Variants in PAQR4 observed in about 807,000 individuals in gnomAD.
PAQR4 encodes the protein progestin and adipoQ receptor family member 4.
Under a neutral mutation model 20.9 loss-of-function variants are expected in PAQR4, and 26 were observed. The observed-to-expected ratio is 1.24, with a 90% CI of 0.91 to 1.73. The LOEUF (loss-of-function observed/expected upper bound fraction) is 1.73, where lower values mean the gene tolerates loss of function less well. Among genes scored for constraint, PAQR4 ranks in the 40% most tolerant of loss-of-function variants. The pLI is 0.00. For missense variants in PAQR4, 400 were observed against 380.1 expected (o/e 1.05, Z -0.44); for synonymous variants, 193 against 171.6 (o/e 1.12, Z -0.97).
intron 1 of PAQR4, 125 bp from the exon 2 acceptor site, chr16:2,971,032 C>T (rs2071971343): frequency 3.1e-6 from 3 of 967,670 alleles, no homozygotes; most frequent in Non-Finnish European, 4.7e-6. Context: ...TGGCCAAGGC[C>T]AGGCCGCCAA....
At position 2,972,052 on chromosome 16, in the gene PAQR4, A is replaced by G; in HGVS notation, c.*104A>G. The G allele has an allele frequency of 8.6e-7, 1 of 1,165,242 alleles. No homozygotes were observed. The highest frequency in any genetic ancestry group is 1.2e-6 in the Non-Finnish European group (1 of 850,358). 72.2% of individuals were successfully genotyped at this position (1,165,242 alleles called of 1,614,324 possible). A position where few individuals can be genotyped will look rare whatever the true frequency, so the allele number is the denominator to read the frequency against. ...CTGGCTCCTTGGATGCTTCCAGCTC[A>G]TGAGATGTCTCAGCAGGAGCCCTGT... is the stretch of plus-strand genomic sequence containing the variant. On this transcript the variant is annotated 3_prime_UTR_variant, in exon 3 of 3. Coordinates refer to ENST00000318782, the MANE Select transcript of PAQR4 (RefSeq NM_152341.5).
In PAQR4 at chr16:2,969,621, T is replaced by TGAGGAGGAGGCTCGGGGA. The variant is rs1491176710; in HGVS notation, c.-53_-36dup. 1.4e-6 allele frequency: 2 copies of TGAGGAGGAGGCTCGGGGA among 1,417,150 alleles called. No homozygotes were observed. Among genetic ancestry groups the TGAGGAGGAGGCTCGGGGA allele is most frequent in the East Asian group, 5.9e-5 (2 of 33,826 alleles). The allele number at this position is 1,417,150 out of a possible 1,614,324, so 87.8% of individuals were successfully genotyped here. ...GGGCCTTCCCGCGCTGCGGCCCCACTGAGGAGGAGGCTCGGGGACAGCAGG... is the reference window on the plus strand; with the variant it reads ...GGGCCTTCCCGCGCTGCGGCCCCACTGAGGAGGAGGCTCGGGGAGAGGAGGAGGCTCGGGGACAGCAGG... On this transcript the variant is annotated 5_prime_UTR_variant, in exon 1 of 3. Coordinates refer to ENST00000318782, the MANE Select transcript of PAQR4 (RefSeq NM_152341.5).
rs778769502 is a variant in PAQR4 at position 2,973,047 on chromosome 16, C to G, written c.*1099C>G. 1.2e-6 allele frequency: 2 copies of G among 1,607,050 alleles called. No homozygotes were observed. The highest frequency in any genetic ancestry group is 1.7e-5 in the Admixed American group (1 of 58,770). On this transcript the variant is annotated 3_prime_UTR_variant, in exon 3 of 3. Transcript: ENST00000318782. ...CCGAGGAGGCTCTGAGTTGATGTCA[C>G]TTAGGTCCAGGGCATCCCTGGGAGG...
chr16:2,970,689 T>TGG (rs902734743), intron 1 of PAQR4, among the ~76,000 whole-genome samples: 7 of 152,198 alleles, frequency 4.6e-5, no homozygotes, highest in African/African-American at 1.7e-4. Context: ...TGGACACTTA[T>TGG]GGAGAGGGGA....
chr16:2,969,854 C>T lies in PAQR4; in HGVS notation c.166+14C>T. On this transcript the variant is annotated intron_variant, in intron 1 of 2. Coordinates refer to ENST00000318782, the MANE Select transcript of PAQR4 (RefSeq NM_152341.5). The stretch of plus-strand genomic sequence containing the variant: ...TCTACACGCACGGTGAGCCGCGTCC[C>T]GCAACGCGCTTCCCACACCCCCGGC... 1.2e-6 allele frequency: 2 copies of T among 1,608,318 alleles called. No individual in the cohort carries two copies. Among genetic ancestry groups the T allele is most frequent in the Admixed American group, 1.7e-5 (1 of 59,890 alleles).
intron 1 of PAQR4, 128 bp downstream of exon 1, chr16:2,969,968 T>G: frequency 8.1e-7 from 1 of 1,235,270 alleles, no homozygotes; most frequent in Non-Finnish European, 1.1e-6. Flanking sequence ...GCACCGCCAG[T>G]AGCCGCGGTG....
chr16:2,970,885 C>T (rs1224266308), intron 1 of PAQR4: 2 of 586,342 alleles, frequency 3.4e-6, no homozygotes, highest in Non-Finnish European at 6.1e-6. Flanking sequence ...CTGCTGGGCT[C>T]ACCCGGGGCC....
rs145076396 is a variant in PAQR4, at chr16:2,973,102, C to A, written c.*1154C>A. The A allele has an allele frequency of 4.5e-5, 70 of 1,568,864 alleles. No homozygotes were observed. Among genetic ancestry groups the A allele is most frequent in the Middle Eastern group, 1.7e-4 (1 of 5,976 alleles). ...AGTAGTGACACTCAGGATCCAAAAG[C>A]TAGCCCTGCCCACCCCAGCCCCTGG... On this transcript the variant is annotated 3_prime_UTR_variant, in exon 3 of 3. Transcript: ENST00000318782.
intron 1 of PAQR4, among the ~76,000 whole-genome samples, chr16:2,970,474 C>T (rs551209310): frequency 1.3e-5 from 2 of 152,348 alleles, no homozygotes; most frequent in Admixed American, 6.5e-5. Context: ...CCCCGTTTGG[C>T]CCCTGGGAGG....
chr16:2,969,582 C>A lies in PAQR4; in HGVS notation c.-93C>A, dbSNP rs2071922896. 2.3e-6 allele frequency: 3 copies of A among 1,319,762 alleles called. No individual in the cohort carries two copies. Among genetic ancestry groups the A allele is most frequent in the Non-Finnish European group, 1.9e-6 (2 of 1,031,050 alleles). The allele number at this position is 1,319,762 out of a possible 1,614,324, so 81.8% of individuals were successfully genotyped here. On this transcript the variant is annotated 5_prime_UTR_variant, in exon 1 of 3. Transcript: ENST00000318782. ...CGATGGGTGGGCGCCGGGCGCCGGG[C>A]GCCAGGCAGTGATGGGCCTTCCCGC...
chr16:2,971,482 A>T, intron 2 of PAQR4, 33 bp from the exon 3 acceptor site: 1 of 1,574,204 alleles, frequency 6.4e-7, no homozygotes, highest in Non-Finnish European at 8.6e-7. Flanking sequence ...CCTCACAATG[A>T]CATGCCCTCT....
Position 2,972,627 on chromosome 16 carries a change from G to A in PAQR4, c.*679G>A. The stretch of plus-strand genomic sequence containing the variant: ...AGTGCCATACTCCCAACAGCTCCAG[G>A]TACCCACCGGGGGATGTGCCTGCTC... On this transcript the variant is annotated 3_prime_UTR_variant, in exon 3 of 3. Coordinates refer to ENST00000318782, the MANE Select transcript of PAQR4 (RefSeq NM_152341.5). The A allele has an allele frequency of 1.3e-6, 2 of 1,535,448 alleles. No individual in the cohort carries two copies. The highest frequency in any genetic ancestry group is 2.4e-5 in the South Asian group (2 of 84,050).
chr16:2,972,581 C>T lies in PAQR4; in HGVS notation c.*633C>T, dbSNP rs898333858. 1.3e-6 allele frequency: 2 copies of T among 1,521,048 alleles called. No individual in the cohort carries two copies. Among genetic ancestry groups the T allele is most frequent in the South Asian group, 1.2e-5 (1 of 83,128 alleles). The allele number at this position is 1,521,048 out of a possible 1,614,324, so 94.2% of individuals were successfully genotyped here. On this transcript the variant is annotated 3_prime_UTR_variant, in exon 3 of 3. Transcript: ENST00000318782. ...GGCCTCAGATCCTGGGACCCCTGGG[C>T]CGTGCCTGCCCTCCACCTTGAGTGC...
chr16:2,971,339 G>C lies in PAQR4; in HGVS notation c.349G>C (p.Ala117Pro), dbSNP rs749054449. ...CAGCGCTGTGTACGCCCGGCTCCTC[G>C]CCCTGGACATGTGTGGGGTCTGCCT... is the stretch of plus-strand genomic sequence containing the variant. ...GGSAVYARLL[A>P]LDMCGVCLVN... The change falls in exon 2 of 3, where the codon GCC becomes CCC. Residue 117 changes from alanine to proline, a missense_variant. Ala to Pro is a conservative substitution (Grantham distance 27, BLOSUM62 -1). Transcript: ENST00000318782. The C allele has an allele frequency of 6.2e-7, 1 of 1,611,414 alleles. No homozygotes were observed. Among genetic ancestry groups the C allele is most frequent in the Non-Finnish European group, 8.5e-7 (1 of 1,179,978 alleles).
rs1233673338 is a variant in PAQR4 at position 2,972,907 on chromosome 16, G to A, written c.*959G>A. On this transcript the variant is annotated 3_prime_UTR_variant, in exon 3 of 3. Transcript: ENST00000318782. The stretch of plus-strand genomic sequence containing the variant: ...GCCCCAGCTTTCAAGGGCGACGGGA[G>A]AGACACAGGATAAAAGGTTAAAAGT... 1 of 1,562,774 alleles carries A rather than the reference G, an allele frequency of 6.4e-7. No homozygotes were observed. Among genetic ancestry groups the A allele is most frequent in the Admixed American group, 1.9e-5 (1 of 51,798 alleles).
rs937113652 is a variant in PAQR4, at chr16:2,969,471, G to A, written c.-204G>A. ...GCGTCCCCAGCCTCCGCCCCGGCGC[G>A]GGGGCGACGGACTCGCGCGTGCGCA... On this transcript the variant is annotated 5_prime_UTR_variant, in exon 1 of 3. Coordinates refer to ENST00000318782, the MANE Select transcript of PAQR4 (RefSeq NM_152341.5). The A allele has an allele frequency of 1.8e-5, 6 of 339,404 alleles. No homozygotes were observed. The highest frequency in any genetic ancestry group is 2.8e-4 in the South Asian group (2 of 7,182). The allele number at this position is 339,404 out of a possible 1,614,324, so 21.0% of individuals were successfully genotyped here.
chr16:2,971,742 T>G lies in PAQR4; in HGVS notation c.616T>G (p.Tyr206Asp). The G allele has an allele frequency of 6.2e-7, 1 of 1,612,846 alleles. No homozygotes were observed. Among genetic ancestry groups the G allele is most frequent in the South Asian group, 1.1e-5 (1 of 91,076 alleles). Residue 206 changes from tyrosine (Y) to aspartate (D), a missense_variant, in exon 3 of 3, where the codon TAC becomes GAC. Coordinates refer to ENST00000318782, the MANE Select transcript of PAQR4 (RefSeq NM_152341.5). Reference protein sequence around the residue: ...GSGAPGSLPCYLRMDALALLG... With the variant: ...GSGAPGSLPCDLRMDALALLG... ...AGGGGCTCCAGGCTCCCTGCCCTGCTACCTGCGCATGGACGCACTGGCGCT... is the reference window on the plus strand; with the variant it reads ...AGGGGCTCCAGGCTCCCTGCCCTGCGACCTGCGCATGGACGCACTGGCGCT...
intron 1 of PAQR4, chr16:2,970,906 C>T (rs1376431178): frequency 1.8e-5 from 11 of 597,212 alleles, no homozygotes; most frequent in East Asian, 8.3e-5. Flanking sequence ...GGTCACTCAG[C>T]CCCTCCAAGT....
rs1377750953 is a variant in PAQR4, at chr16:2,971,168, C to G, written c.178C>G (p.Leu60Val). Residue 60 changes from leucine (L) to valine (V), a missense_variant, in exon 2 of 3, where the codon CTG (leucine) becomes GTG (valine). By Grantham distance (32) the Leu-to-Val change is conservative. Coordinates refer to ENST00000318782, the MANE Select transcript of PAQR4 (RefSeq NM_152341.5). ...GTCTCCCTCCCTAGGGCTGGCCCTG[C>G]TGGGCTTCCTGGTGCTGGTGCCAAT... is the stretch of plus-strand genomic sequence containing the variant. ...GNIYTHGLAL[L>V]GFLVLVPMTM... is the part of the protein sequence containing the mutation. The G allele has an allele frequency of 6.2e-7, 1 of 1,613,260 alleles. No individual in the cohort carries two copies. The highest frequency in any genetic ancestry group is 1.3e-5 in the African/African-American group (1 of 75,066).
Sources: gnomAD v4.1 joint callset for allele counts (sites outside exome capture counted in the v4.1 genomes callset) on GRCh38, gnomAD v4.1.1 for gene constraint, MANE v1.5 for transcripts, NCBI Gene and HGNC (gene_info 2026-07-23, HGNC 2026-07-21) for gene names.